The following AKAP6 variants were observed in gnomAD, a reference collection of about 807,000 sequenced individuals.
The protein encoded by AKAP6 is A-kinase anchoring protein 6, also known as A-kinase anchor protein 6.
AKAP6 carries 58 observed loss-of-function variants against 188.5 expected under a neutral mutation model. The ratio of observed to expected loss-of-function variants is 0.31; its 90% CI spans 0.25 to 0.38. AKAP6 has a LOEUF of 0.38. Ranked by LOEUF, AKAP6 falls within the 10% of genes least tolerant of loss-of-function variation. The pLI is 1.00. For missense variants in AKAP6, 2,710 were observed against 2,740.0 expected, an observed-to-expected ratio of 0.99 and a Z score of 0.24; for synonymous variants, 989 against 998.6, an observed-to-expected ratio of 0.99 and a Z score of 0.18.
intron 1 of AKAP6, among the ~76,000 whole-genome samples, chr14:32,418,417 A>T (rs1237940553): frequency 6.6e-6 from 1 of 152,158 alleles, no homozygotes; most frequent in East Asian, 1.9e-4. Context: ...TTCCTAACAC[A>T]TCACAGCTAG....
intron 2 of AKAP6, among the ~76,000 whole-genome samples, chr14:32,521,760 G>T (rs575031616): frequency 6.6e-6 from 1 of 152,262 alleles, no homozygotes; most frequent in African/African-American, 2.4e-5. Flanking sequence ...TGGCCATACT[G>T]CCCAAGGTAA....
intron 7 of AKAP6, among the ~76,000 whole-genome samples, chr14:32,621,307 C>T (rs1461281594): frequency 6.6e-6 from 1 of 151,986 alleles, no homozygotes; most frequent in African/African-American, 2.4e-5. Flanking sequence ...TTGATGTAGG[C>T]ATTTAGTGCT....
chr14:32,750,479 T>G (rs2032081118), intron 11 of AKAP6, among the ~76,000 whole-genome samples: 1 of 152,080 alleles, frequency 6.6e-6, no homozygotes, highest in Admixed American at 6.6e-5. Context: ...CATAGCACTT[T>G]CGGAGACCAA....
chr14:32,661,755 GTTC>G, intron 7 of AKAP6, among the ~76,000 whole-genome samples: 1 of 152,130 alleles, frequency 6.6e-6, no homozygotes, highest in East Asian at 1.9e-4. Context: ...GAAACCCCTG[GTTC>G]TTCTTCTCAT....
chr14:32,774,493 A>G (rs911456550), intron 12 of AKAP6, among the ~76,000 whole-genome samples: 6 of 152,224 alleles, frequency 3.9e-5, no homozygotes, highest in Non-Finnish European at 8.8e-5. Context: ...GCAGTGCTCA[A>G]GGTGGTGAGT....
At chr14:32,661,047 C>T (rs1260169919) in intron 7 of AKAP6, among the ~76,000 whole-genome samples, 1 of 150,012 alleles carries the variant, frequency 6.7e-6, no homozygotes, top group Non-Finnish European at 1.5e-5. Context: ...AGACTCAGCA[C>T]TGGGAGAGTA....
At chr14:32,750,923 G>A (rs2032108771) in intron 11 of AKAP6, among the ~76,000 whole-genome samples, 1 of 151,086 alleles carries the variant, frequency 6.6e-6, no homozygotes, top group Admixed American at 6.6e-5. Context: ...TTTTAGTAGA[G>A]ATGGGGTTTC....
At chr14:32,418,149 A>G (rs1594593979) in intron 1 of AKAP6, among the ~76,000 whole-genome samples, 1 of 152,338 alleles carries the variant, frequency 6.6e-6, no homozygotes, top group East Asian at 1.9e-4. Context: ...AATTATAAAT[A>G]GATGATTTCT....
Position 32,824,137 on chromosome 14 carries a change from C to T in AKAP6, c.6324C>T (p.Asp2108=). 1 of 1,613,912 alleles carries T rather than the reference C, an allele frequency of 6.2e-7. No individual in the cohort carries two copies. Among genetic ancestry groups the T allele is most frequent in the Non-Finnish European group, 8.5e-7 (1 of 1,179,914 alleles). The change falls in exon 13 of 14, where the codon GAC becomes GAT. Residue 2108 remains aspartate (D), a synonymous_variant. Coordinates refer to ENST00000280979, the MANE Select transcript of AKAP6 (RefSeq NM_004274.5). Reference sequence around the variant, plus strand: ...GGCCCATCCAGCTGAGAAAAGGGGACTTTTATTCGTACTTATCTCTCTCAT... The same window carrying T: ...GGCCCATCCAGCTGAGAAAAGGGGATTTTTATTCGTACTTATCTCTCTCAT... ...SHRPIQLRKG[D]FYSYLSLSSH...
chr14:32,548,560 A>G (rs1883308845), intron 4 of AKAP6, among the ~76,000 whole-genome samples: 2 of 151,968 alleles, frequency 1.3e-5, no homozygotes, highest in Non-Finnish European at 2.9e-5. Flanking sequence ...ATAGATAGAT[A>G]GATAGATAGA....
At position 32,656,748 on chromosome 14, in the gene AKAP6, C is replaced by T. The variant is rs181070235; in HGVS notation, c.2731-21563C>T. On this transcript the variant is annotated intron_variant, in intron 7 of 13. Coordinates refer to ENST00000280979, the MANE Select transcript of AKAP6 (RefSeq NM_004274.5). ...GGCTCAGTAGTTGATGCTATTGTTC[C>T]ACTCCTACATCTCTGAAGGACTTCT... 1.3e-3 allele frequency among the ~76,000 whole-genome samples: 198 copies of T among 152,204 alleles called. 1 individual carries two copies. Among genetic ancestry groups the T allele is most frequent in the South Asian group, 2.5e-3 (12 of 4,824 alleles).
intron 7 of AKAP6, among the ~76,000 whole-genome samples, chr14:32,617,695 A>C (rs1443745184): frequency 6.6e-6 from 1 of 152,176 alleles, no homozygotes; most frequent in Admixed American, 6.5e-5. Context: ...GCACAGTTTC[A>C]ACTCACTGCA....
chr14:32,621,592 A>T (rs1398192692), intron 7 of AKAP6, among the ~76,000 whole-genome samples: 1 of 152,130 alleles, frequency 6.6e-6, no homozygotes, highest in Non-Finnish European at 1.5e-5. Flanking sequence ...GTGGCCTATC[A>T]TATGGTCTAT....
At chr14:32,466,845 A>ATATATATATATATATATT (rs1555331130) in intron 2 of AKAP6, among the ~76,000 whole-genome samples, 2 of 144,218 alleles carry the variant, frequency 1.4e-5, no homozygotes, top group Admixed American at 1.4e-4. Flanking sequence ...ATATATATAT[A>ATATATATATATATATATT]TTTTCTTTCT....
At chr14:32,676,077 A>G (rs1240392497) in intron 7 of AKAP6, among the ~76,000 whole-genome samples, 1 of 152,186 alleles carries the variant, frequency 6.6e-6, no homozygotes, top group Non-Finnish European at 1.5e-5. Flanking sequence ...TTAGATATCA[A>G]ACACGTCCCT....
At position 32,648,966 on chromosome 14, in the gene AKAP6, TA is replaced by T. The variant is rs369271978; in HGVS notation, c.2731-29340del. Among the ~76,000 whole-genome samples the T allele has an allele frequency of 1.4e-4, 22 of 152,286 alleles. No individual in the cohort carries two copies. The East Asian group carries it at 3.1e-3, about 21-fold the overall frequency. On this transcript the variant is annotated intron_variant, in intron 7 of 13. Transcript: ENST00000280979. ...CCACAGATAGCCAATTTAATTATGC[TA>T]AAAATGACATTTTTAATTAAACACC...
At chr14:32,804,404 C>T (rs535533006) in intron 12 of AKAP6, among the ~76,000 whole-genome samples, 17 of 152,200 alleles carry the variant, frequency 1.1e-4, no homozygotes, top group South Asian at 4.1e-4. Context: ...GGTAGGACCA[C>T]GAAGCCCGCC....
intron 7 of AKAP6, among the ~76,000 whole-genome samples, chr14:32,671,009 C>T (rs1055584648): frequency 6.6e-6 from 1 of 152,042 alleles, no homozygotes; most frequent in Non-Finnish European, 1.5e-5. Context: ...TAAACAAAAC[C>T]TCCTGCCCTC....
intron 7 of AKAP6, among the ~76,000 whole-genome samples, chr14:32,604,917 A>G (rs944112073): frequency 1.3e-5 from 2 of 152,208 alleles, no homozygotes; most frequent in Non-Finnish European, 2.9e-5. Context: ...CTATTAACCC[A>G]TCACCTAGGT....
Sources: gnomAD v4.1 joint callset for allele counts (sites outside exome capture counted in the v4.1 genomes callset) on GRCh38, gnomAD v4.1.1 for gene constraint, MANE v1.5 for transcripts, NCBI Gene and HGNC (gene_info 2026-07-23, HGNC 2026-07-21) for gene names.